SMYD3: variants seen among roughly 807,000 people sequenced by gnomAD.
SMYD3 encodes the protein SET and MYND domain containing 3.
A neutral mutation model predicts 57.7 loss-of-function variants in SMYD3; 36 were observed. The observed-to-expected ratio is 0.62, with a 90% CI of 0.48 to 0.82. The LOEUF (loss-of-function observed/expected upper bound fraction) is 0.82. Ranked by LOEUF, SMYD3 falls within the 40% of genes least tolerant of loss-of-function variation. The pLI, the probability that SMYD3 is intolerant of heterozygous loss-of-function variation, is 0.00. For synonymous variants in SMYD3, 211 were observed against 195.0 expected, an observed-to-expected ratio of 1.08 and a Z score of -0.68; for missense variants, 515 against 538.8, an observed-to-expected ratio of 0.96 and a Z score of 0.44.
chr1:245,988,107 AACACACACACAC>A (rs35432668), intron 5 of SMYD3, among the ~76,000 whole-genome samples: 6 of 148,794 alleles, frequency 4.0e-5, no homozygotes, highest in East Asian at 2.0e-4. Flanking sequence ...AACCAAACCA[AACACACACACAC>A]ACACACACAC....
At chr1:246,106,628 C>T (rs531804598) in intron 5 of SMYD3, among the ~76,000 whole-genome samples, 1 of 152,236 alleles carries the variant, frequency 6.6e-6, no homozygotes, top group South Asian at 2.1e-4. Context: ...CTTAGGATTT[C>T]CGTGGTTATG....
intron 5 of SMYD3, among the ~76,000 whole-genome samples, chr1:246,024,217 A>G (rs1248301615): frequency 6.6e-6 from 1 of 152,232 alleles, no homozygotes; most frequent in African/African-American, 2.4e-5. Flanking sequence ...GATGTACTAT[A>G]TAGCTTACAT....
At chr1:245,945,892 A>G (rs747987944) in intron 5 of SMYD3, among the ~76,000 whole-genome samples, 3 of 152,220 alleles carry the variant, frequency 2.0e-5, no homozygotes, top group African/African-American at 4.8e-5. Flanking sequence ...GTTCTCACTT[A>G]TAAGTGGGAG....
intron 1 of SMYD3, among the ~76,000 whole-genome samples, chr1:246,411,840 G>C (rs1385263821): frequency 8.3e-6 from 1 of 120,536 alleles, no homozygotes; most frequent in South Asian, 3.4e-4. Context: ...TTGGGGGAGG[G>C]GGGAGGGATA....
chr1:245,913,818 A>G (rs1237600098), intron 8 of SMYD3, among the ~76,000 whole-genome samples: 1 of 152,206 alleles, frequency 6.6e-6, no homozygotes, highest in Non-Finnish European at 1.5e-5. Context: ...AGGGCAAAGG[A>G]TCTAAATAGA....
chr1:245,968,708 T>C (rs1025531411), intron 5 of SMYD3, among the ~76,000 whole-genome samples: 26 of 152,190 alleles, frequency 1.7e-4, no homozygotes, highest in African/African-American at 6.3e-4. Flanking sequence ...CTCTATACAA[T>C]GGACACAATG....
intron 11 of SMYD3, among the ~76,000 whole-genome samples, chr1:245,760,259 T>C (rs932233217): frequency 2.0e-5 from 3 of 152,210 alleles, no homozygotes; most frequent in Non-Finnish European, 4.4e-5. Flanking sequence ...AGTGATTTCA[T>C]TCCATTATTT....
At chr1:246,310,290 T>C (rs946131157) in intron 5 of SMYD3, among the ~76,000 whole-genome samples, 3 of 151,944 alleles carry the variant, frequency 2.0e-5, no homozygotes, top group Non-Finnish European at 2.9e-5. Context: ...ACGAATAGAC[T>C]GGAAGAAAAG....
chr1:246,486,897 G>C (rs1451170279), intron 1 of SMYD3, among the ~76,000 whole-genome samples: 14 of 152,166 alleles, frequency 9.2e-5, no homozygotes, highest in Admixed American at 8.5e-4. Flanking sequence ...ATAAGACTTA[G>C]AGGAGCATAA....
intron 8 of SMYD3, among the ~76,000 whole-genome samples, chr1:245,896,335 A>C (rs74535449): frequency 0.12 from 17,186 of 149,204 alleles, 1,173 homozygotes; most frequent in East Asian, 0.37. Flanking sequence ...CTCCAAATCC[A>C]TAGTAATGAC....
In SMYD3 at chr1:246,245,077, C is replaced by A. The variant is rs565233916; in HGVS notation, c.531+82124G>T. Among the ~76,000 whole-genome samples the A allele has an allele frequency of 1.9e-3, 277 of 149,486 alleles. 1 individual carries two copies. Among genetic ancestry groups the A allele is most frequent in the African/African-American group, 6.5e-3 (265 of 40,516 alleles). On this transcript the variant is annotated intron_variant, in intron 5 of 11. Coordinates refer to ENST00000490107, the MANE Select transcript of SMYD3 (RefSeq NM_001167740.2). ...CCACTACGGCTAAATAGACCAAGAA[C>A]CTGAACTCCATAGAGTTCCTAAAAG...
chr1:246,171,664 T>C (rs1445554187), intron 5 of SMYD3, among the ~76,000 whole-genome samples: 3 of 152,202 alleles, frequency 2.0e-5, no homozygotes, highest in African/African-American at 7.2e-5. Context: ...TGTAATACAA[T>C]GGTAGGTATT....
intron 5 of SMYD3, among the ~76,000 whole-genome samples, chr1:246,160,227 A>C (rs910665669): frequency 9.2e-5 from 14 of 152,226 alleles, no homozygotes; most frequent in African/African-American, 3.4e-4. Flanking sequence ...TCACATTTAT[A>C]GGAAGTGTTT....
At chr1:246,495,691 A>G (rs1174742557) in intron 1 of SMYD3, among the ~76,000 whole-genome samples, 4 of 152,188 alleles carry the variant, frequency 2.6e-5, no homozygotes, top group Non-Finnish European at 5.9e-5. Context: ...CTGTAATCCC[A>G]GCACTTTGGG....
intron 10 of SMYD3, among the ~76,000 whole-genome samples, chr1:245,816,434 C>T (rs1051710724): frequency 2.1e-5 from 3 of 143,018 alleles, no homozygotes; most frequent in Non-Finnish European, 3.0e-5. Flanking sequence ...TGGAACAATG[C>T]AATACTCATC....
chr1:246,467,310 T>C (rs867047958), intron 1 of SMYD3, among the ~76,000 whole-genome samples: 2 of 152,172 alleles, frequency 1.3e-5, no homozygotes, highest in Non-Finnish European at 1.5e-5. Context: ...GGATGCTACC[T>C]GTTTTGCTTG....
At chr1:245,797,339 A>G (rs1310817058) in intron 10 of SMYD3, among the ~76,000 whole-genome samples, 4 of 152,138 alleles carry the variant, frequency 2.6e-5, no homozygotes, top group African/African-American at 9.7e-5. Flanking sequence ...ATGGAATACT[A>G]TGCAGCCACA....
chr1:245,773,661 T>G lies in SMYD3; in HGVS notation c.1077-9512A>C, dbSNP rs1480660304. Among the ~76,000 whole-genome samples the G allele has an allele frequency of 3.3e-5, 5 of 152,366 alleles. No individual in the cohort carries two copies. In the East Asian group the frequency reaches 7.7e-4, roughly 23 times the overall value. ...TTGCCTGTCTCATATATGACAGCACTATTTTTTTAGAGTGTGAAACATTTG... is the reference window on the plus strand; with the variant it reads ...TTGCCTGTCTCATATATGACAGCACGATTTTTTTAGAGTGTGAAACATTTG... On this transcript the variant is annotated intron_variant, in intron 10 of 11. Coordinates refer to ENST00000490107, the MANE Select transcript of SMYD3 (RefSeq NM_001167740.2).
intron 5 of SMYD3, among the ~76,000 whole-genome samples, chr1:246,011,147 A>G (rs2059274908): frequency 6.6e-6 from 1 of 152,202 alleles, no homozygotes; most frequent in Non-Finnish European, 1.5e-5. Flanking sequence ...TGATAGGCAG[A>G]AGGAACCTCA....
Sources: allele counts gnomAD v4.1 joint callset (sites outside exome capture counted in the v4.1 genomes callset), GRCh38; gene constraint gnomAD v4.1.1; transcripts MANE v1.5; gene names NCBI Gene and HGNC (gene_info 2026-07-23, HGNC 2026-07-21).